Variants in LAMTOR3 observed in about 807,000 individuals in gnomAD.
LAMTOR3 encodes late endosomal/lysosomal adaptor, MAPK and MTOR activator 3, also known as ragulator complex protein LAMTOR3.
A neutral mutation model predicts 20.3 loss-of-function variants in LAMTOR3; 14 were observed. That is an observed-to-expected ratio of 0.69 (90% CI 0.46 to 1.08). The LOEUF (loss-of-function observed/expected upper bound fraction) is 1.08. LAMTOR3 is among the 50% of genes least tolerant of loss of function. The pLI is 0.00. For missense variants in LAMTOR3, 125 were observed against 143.7 expected (o/e 0.87, Z 0.67); for synonymous variants, 40 against 49.4 (o/e 0.81, Z 0.80).
In LAMTOR3 at chr4:99,892,878, C is replaced by T. The variant is rs902022016; in HGVS notation, c.10-844G>A. ...TATTTTTAGAAAAGACAACGTTTTACCATGTTGGCCAGGCTGGTCTCGAAC... is the reference window on the plus strand; with the variant it reads ...TATTTTTAGAAAAGACAACGTTTTATCATGTTGGCCAGGCTGGTCTCGAAC... On this transcript the variant is annotated intron_variant, in intron 2 of 6. Transcript: ENST00000499666. 7.2e-5 allele frequency among the ~76,000 whole-genome samples: 11 copies of T among 152,212 alleles called. No homozygotes were observed. The South Asian group carries it at 8.3e-4, about 11-fold the overall frequency.
intron 3 of LAMTOR3, among the ~76,000 whole-genome samples, chr4:99,887,755 T>C (rs1724955741): frequency 6.6e-6 from 1 of 152,230 alleles, no homozygotes; most frequent in African/African-American, 2.4e-5. Context: ...TTTGATACTA[T>C]GAAAAACAGA....
chr4:99,885,779 T>C (rs1275087203), intron 4 of LAMTOR3, 104 bp from the exon 5 acceptor site: 2 of 960,190 alleles, frequency 2.1e-6, no homozygotes, highest in Non-Finnish European at 3.1e-6. Context: ...AACACAAAGG[T>C]TATGTTTCAC....
chr4:99,893,068 T>C (rs1467098069), intron 2 of LAMTOR3, among the ~76,000 whole-genome samples: 1 of 152,204 alleles, frequency 6.6e-6, no homozygotes, highest in African/African-American at 2.4e-5. Context: ...AAGACTATTT[T>C]ATTTTTCTAA....
chr4:99,884,245 GTAT>G, intron 5 of LAMTOR3, 120 bp from the exon 6 acceptor site: 2 of 701,476 alleles, frequency 2.9e-6, no homozygotes. Flanking sequence ...CAACATTATG[GTAT>G]TATATTATGA....
chr4:99,888,764 CA>C (rs1170913823), intron 3 of LAMTOR3, among the ~76,000 whole-genome samples: 22 of 152,064 alleles, frequency 1.4e-4, no homozygotes, highest in African/African-American at 4.6e-4. Flanking sequence ...ATGTTACAAA[CA>C]AAATCATTTG....
chr4:99,889,740 G>A (rs927077895), intron 3 of LAMTOR3, among the ~76,000 whole-genome samples: 7 of 152,156 alleles, frequency 4.6e-5, no homozygotes, highest in African/African-American at 1.7e-4. Flanking sequence ...TGAACTCTGT[G>A]AATGTACTAC....
In LAMTOR3 at chr4:99,883,948, C is replaced by T. The variant is rs115378560; in HGVS notation, c.301+114G>A. 3.6e-3 allele frequency: 2,590 copies of T among 709,794 alleles called. 50 individuals are homozygous for T. In the African/African-American group the frequency reaches 0.038, roughly 10 times the overall value. 44.0% of individuals were successfully genotyped at this position (709,794 alleles called of 1,614,324 possible). ...GAAAAAAGACAGTGAAACTGGGCCACAAGTTCAAGATTTTTGGCTCTAAAT... is the reference window on the plus strand; with the variant it reads ...GAAAAAAGACAGTGAAACTGGGCCATAAGTTCAAGATTTTTGGCTCTAAAT... On this transcript the variant is annotated intron_variant, in intron 6 of 6. Coordinates refer to ENST00000499666, the MANE Select transcript of LAMTOR3 (RefSeq NM_021970.4).
At chr4:99,883,969 TA>T in intron 6 of LAMTOR3, 92 bp downstream of exon 6, 1 of 922,868 alleles carries the variant, frequency 1.1e-6, no homozygotes, top group Non-Finnish European at 1.7e-6. Context: ...TTTTTGGCTC[TA>T]AATCTACTAT....
intron 3 of LAMTOR3, among the ~76,000 whole-genome samples, chr4:99,889,694 C>G (rs1724989644): frequency 6.6e-6 from 1 of 152,130 alleles, no homozygotes; most frequent in Admixed American, 6.6e-5. Flanking sequence ...GGATGGGCAG[C>G]TTCTCACTCT....
At chr4:99,887,231 T>A in intron 4 of LAMTOR3, 65 bp downstream of exon 4, 3 of 1,054,014 alleles carry the variant, frequency 2.8e-6, no homozygotes, top group Non-Finnish European at 4.2e-6. Context: ...ACTACTCAGA[T>A]GTAAATTACA....
In LAMTOR3 at chr4:99,881,039, C is replaced by T. The variant is rs907110281; in HGVS notation, c.*955G>A. ...GCACAATCTTGGCTGACTGCAATCT[C>T]AGGTTTCTTTTCCAGTTAACAGTTC... On this transcript the variant is annotated 3_prime_UTR_variant, in exon 7 of 7. Coordinates refer to ENST00000499666, the MANE Select transcript of LAMTOR3 (RefSeq NM_021970.4). The T allele has an allele frequency of 2.6e-5, 4 of 152,144 alleles. No homozygotes were observed. Among genetic ancestry groups the T allele is most frequent in the African/African-American group, 9.7e-5 (4 of 41,424 alleles). 9.4% of individuals were successfully genotyped at this position (152,144 alleles called of 1,614,324 possible). A position where few individuals can be genotyped will look rare whatever the true frequency, so the allele number is the denominator to read the frequency against.
At position 99,881,616 on chromosome 4, in the gene LAMTOR3, T is replaced by C. The variant is rs533851109; in HGVS notation, c.*378A>G. Reference sequence around the variant, plus strand: ...TATTCACAATAAAAAGTTGGCTTTATTCTGCAAGCCTGGGCATATTGTACA... The same window carrying C: ...TATTCACAATAAAAAGTTGGCTTTACTCTGCAAGCCTGGGCATATTGTACA... On this transcript the variant is annotated 3_prime_UTR_variant, in exon 7 of 7. Transcript: ENST00000499666. 5.9e-6 allele frequency: 1 copy of C among 168,974 alleles called. No homozygotes were observed. Among genetic ancestry groups the C allele is most frequent in the African/African-American group, 2.4e-5 (1 of 42,218 alleles). 10.5% of individuals were successfully genotyped at this position (168,974 alleles called of 1,614,324 possible). A position where few individuals can be genotyped will look rare whatever the true frequency, so the allele number is the denominator to read the frequency against.
At position 99,894,421 on chromosome 4, in the gene LAMTOR3, G is replaced by C. The variant is rs1051507604; in HGVS notation, c.-124C>G. 2 of 155,468 alleles carry C rather than the reference G, an allele frequency of 1.3e-5. No individual in the cohort carries two copies. The highest frequency in any genetic ancestry group is 2.8e-5 in the Non-Finnish European group (2 of 70,322). 9.6% of individuals were successfully genotyped at this position (155,468 alleles called of 1,614,324 possible). A position where few individuals can be genotyped will look rare whatever the true frequency, so the allele number is the denominator to read the frequency against. ...GTTCCTCCTCAAGCCACCGTCACATGATTCATGACCTCGTCTGCGCTCCAG... is the reference window on the plus strand; with the variant it reads ...GTTCCTCCTCAAGCCACCGTCACATCATTCATGACCTCGTCTGCGCTCCAG... On this transcript the variant is annotated 5_prime_UTR_variant, in exon 1 of 7. The change creates a new upstream start codon in the 5' untranslated region. Transcript: ENST00000499666.
chr4:99,882,137 T>C (rs1724839870), intron 6 of LAMTOR3, 70 bp from the exon 7 acceptor site: 3 of 912,924 alleles, frequency 3.3e-6, no homozygotes, highest in Non-Finnish European at 5.1e-6. Flanking sequence ...TCAGATTTCC[T>C]TATGTCCAAA....
chr4:99,894,142 A>C, intron 1 of LAMTOR3, 142 bp from the exon 2 acceptor site: 1 of 480,626 alleles, frequency 2.1e-6, no homozygotes, highest in Non-Finnish European at 3.7e-6. Flanking sequence ...GCCCAGTGGG[A>C]GTCGGAGTGC....
In LAMTOR3 at chr4:99,886,501, AT is replaced by A. The variant is rs137876208; in HGVS notation, c.103+794del. 1.7e-3 allele frequency among the ~76,000 whole-genome samples: 262 copies of A among 152,344 alleles called. 1 individual carries two copies. Among genetic ancestry groups the A allele is most frequent in the African/African-American group, 6.1e-3 (253 of 41,584 alleles). On this transcript the variant is annotated intron_variant, in intron 4 of 6. Transcript: ENST00000499666. ...ACAGAAATGTTTATAATCTTTACAA[AT>A]TCATGCAGTTTATTAATAAGAATCT...
At chr4:99,889,190 C>T (rs1437191936) in intron 3 of LAMTOR3, among the ~76,000 whole-genome samples, 1 of 144,054 alleles carries the variant, frequency 6.9e-6, no homozygotes, top group African/African-American at 2.7e-5. Context: ...GAACGAGAGT[C>T]TGTCTCAACA....
At position 99,881,914 on chromosome 4, in the gene LAMTOR3, A is replaced by AT; in HGVS notation, c.*79dup. The stretch of plus-strand genomic sequence containing the variant: ...CTTTCTTGAGCACATGGATAAAAGT[A>AT]TTATTGTAGTCTAAAGATTGCTGGA... On this transcript the variant is annotated 3_prime_UTR_variant, in exon 7 of 7. Coordinates refer to ENST00000499666, the MANE Select transcript of LAMTOR3 (RefSeq NM_021970.4). 5 of 971,920 alleles carry AT rather than the reference A, an allele frequency of 5.1e-6. No homozygotes were observed. The South Asian group carries it at 5.6e-5, about 11-fold the overall frequency. 60.2% of individuals were successfully genotyped at this position (971,920 alleles called of 1,614,324 possible).
In LAMTOR3 at chr4:99,891,921, GA is replaced by G; in HGVS notation, c.44+78del. On this transcript the variant is annotated intron_variant, in intron 3 of 6. Coordinates refer to ENST00000499666, the MANE Select transcript of LAMTOR3 (RefSeq NM_021970.4). ...AATCTCAGAGATACTTCACAACATG[GA>G]AAATACAGACAAAATGCTTCATAAA... is the stretch of plus-strand genomic sequence containing the variant. The G allele has an allele frequency of 8.6e-6, 13 of 1,514,526 alleles. 1 individual carries two copies. In the South Asian group the frequency reaches 1.7e-4, roughly 19 times the overall value. 93.8% of individuals were successfully genotyped at this position (1,514,526 alleles called of 1,614,324 possible). A position where few individuals can be genotyped will look rare whatever the true frequency, so the allele number is the denominator to read the frequency against.
Sources: gnomAD v4.1 joint callset for allele counts (sites outside exome capture counted in the v4.1 genomes callset) on GRCh38, gnomAD v4.1.1 for gene constraint, MANE v1.5 for transcripts, NCBI Gene and HGNC (gene_info 2026-07-23, HGNC 2026-07-21) for gene names.